Variants in IL12RB1 observed in about 807,000 individuals in gnomAD.
IL12RB1 encodes interleukin 12 receptor subunit beta 1, also known as interleukin-12 receptor subunit beta-1.
IL12RB1 carries 64 observed loss-of-function variants against 94.4 expected under a neutral mutation model. The ratio of observed to expected loss-of-function variants is 0.68; its 90% CI spans 0.55 to 0.83. The LOEUF (loss-of-function observed/expected upper bound fraction) is 0.83, where lower values mean the gene tolerates loss of function less well. Among genes scored for constraint, IL12RB1 ranks in the 40% least tolerant of loss-of-function variants. The pLI, the probability that IL12RB1 is intolerant of heterozygous loss-of-function variation, is 0.00. For missense variants in IL12RB1, 814 were observed against 855.6 expected (o/e 0.95, Z 0.61); for synonymous variants, 362 against 355.5 (o/e 1.02, Z -0.21).
intron 13 of IL12RB1, among the ~76,000 whole-genome samples, chr19:18,063,438 G>T (rs146467658): frequency 1.3e-5 from 2 of 151,752 alleles, no homozygotes; most frequent in Admixed American, 6.6e-5. Flanking sequence ...TTTATTTGTC[G>T]CTCAATGAAC....
chr19:18,077,286 C>T (rs1218736795), intron 5 of IL12RB1, among the ~76,000 whole-genome samples: 1 of 151,800 alleles, frequency 6.6e-6, no homozygotes, highest in Non-Finnish European at 1.5e-5. Context: ...CGCTTGAACC[C>T]GGGAGGCAGA....
chr19:18,075,116 A>C (rs2035365073), intron 7 of IL12RB1, among the ~76,000 whole-genome samples: 2 of 151,930 alleles, frequency 1.3e-5, no homozygotes, highest in African/African-American at 4.8e-5. Flanking sequence ...AAAACCCTAA[A>C]GTGGGTGCAG....
At chr19:18,086,739 T>C (rs757535267) in intron 1 of IL12RB1, 21 bp downstream of exon 1, 54 of 1,602,400 alleles carry the variant, frequency 3.4e-5, no homozygotes, top group Non-Finnish European at 4.3e-5. Flanking sequence ...GGAGCCGCCA[T>C]GCCAGGGTCA....
At chr19:18,071,866 C>T (rs915430712) in intron 9 of IL12RB1, among the ~76,000 whole-genome samples, 4 of 152,118 alleles carry the variant, frequency 2.6e-5, no homozygotes, top group Non-Finnish European at 5.9e-5. Context: ...GGTTTCACCA[C>T]GTTGGCCAGA....
intron 9 of IL12RB1, chr19:18,071,351 A>C: frequency 2.1e-6 from 2 of 971,072 alleles, no homozygotes; most frequent in Non-Finnish European, 2.9e-6. Context: ...AAGAAAAAAA[A>C]GAAATTAGAT....
At chr19:18,097,318 C>G (rs1482016757) in intron 1 of IL12RB1, among the ~76,000 whole-genome samples, 1 of 152,116 alleles carries the variant, frequency 6.6e-6, no homozygotes. Flanking sequence ...GCTGGGATTA[C>G]AGGCGCGCGT....
intron 1 of IL12RB1, among the ~76,000 whole-genome samples, chr19:18,094,615 G>C (rs531786900): frequency 6.3e-4 from 96 of 152,320 alleles, no homozygotes; most frequent in African/African-American, 2.2e-3. Flanking sequence ...TGTAATCCCA[G>C]CACGTTGGGA....
intron 13 of IL12RB1, 130 bp from the exon 14 acceptor site, chr19:18,062,407 G>T: frequency 3.4e-6 from 2 of 593,078 alleles, no homozygotes; most frequent in South Asian, 4.1e-5. Context: ...CTTCTCACTG[G>T]GAGACCACAG....
chr19:18,073,768 C>A (rs2035248461), intron 7 of IL12RB1, among the ~76,000 whole-genome samples, 169 bp from the exon 8 acceptor site: 1 of 152,206 alleles, frequency 6.6e-6, no homozygotes, highest in African/African-American at 2.4e-5. Context: ...CAATTTGCAT[C>A]CCCAGGGATA....
At chr19:18,075,935 C>T (rs553396253) in intron 6 of IL12RB1, 67 bp from the exon 7 acceptor site, 10 of 1,517,660 alleles carry the variant, frequency 6.6e-6, no homozygotes, top group South Asian at 5.6e-5. Flanking sequence ...GTCACTTAAC[C>T]ATCATGTGCT....
chr19:18,089,319 T>A (rs2036530300), upstream of IL12RB1, among the ~76,000 whole-genome samples: 1 of 151,798 alleles, frequency 6.6e-6, no homozygotes, highest in South Asian at 2.1e-4. Flanking sequence ...CACTGAATCG[T>A]TTGCTTTAAA....
intron 11 of IL12RB1, among the ~76,000 whole-genome samples, chr19:18,067,965 A>C (rs969149654): frequency 1.3e-5 from 2 of 150,866 alleles, no homozygotes; most frequent in Non-Finnish European, 2.9e-5. Context: ...CAAAGTGCCA[A>C]AGTGCTGGGA....
Position 18,069,564 on chromosome 19 carries a change from G to A in IL12RB1, c.1171C>T (p.Pro391Ser). 1 of 1,610,346 alleles carries A rather than the reference G, an allele frequency of 6.2e-7. No homozygotes were observed. ...CCATTACCCATTCCAGCCGGATCCG[G>A]GTCTTGCGGCGCAGTCAGGCTGCAG... ...ATCSLTAPQDPDPAGMATYSW... is the reference protein window; with the variant it reads ...ATCSLTAPQDSDPAGMATYSW... The change falls in exon 10 of 17, where the codon CCG (proline) becomes TCG (serine). Residue 391 changes from proline (P) to serine (S), a missense_variant. Physicochemically the swap from Pro to Ser is moderately conservative, Grantham distance 74. Coordinates refer to ENST00000593993, the MANE Select transcript of IL12RB1 (RefSeq NM_005535.3).
At chr19:18,085,674 A>C (rs753087970) in intron 1 of IL12RB1, among the ~76,000 whole-genome samples, 1 of 152,004 alleles carries the variant, frequency 6.6e-6, no homozygotes, top group African/African-American at 2.4e-5. Context: ...CAGTGCTGCA[A>C]TCTCGGCTCA....
intron 1 of IL12RB1, among the ~76,000 whole-genome samples, chr19:18,092,701 A>C (rs370972629): frequency 1.4e-5 from 2 of 147,300 alleles, no homozygotes; most frequent in African/African-American, 2.5e-5. Flanking sequence ...ATGTGGTCTC[A>C]CTATGTTGCC....
chr19:18,090,302 G>A (rs930368929), upstream of IL12RB1, among the ~76,000 whole-genome samples: 91 of 152,140 alleles, frequency 6.0e-4, no homozygotes, highest in African/African-American at 2.1e-3. Flanking sequence ...CTCTAATTGC[G>A]CCACTGCACT....
chr19:18,079,416 C>A (rs1448473041), intron 4 of IL12RB1, among the ~76,000 whole-genome samples: 1 of 151,918 alleles, frequency 6.6e-6, no homozygotes. Context: ...TAAATCTATT[C>A]TTTTAGCAAA....
chr19:18,061,818 G>A (rs576545448), intron 14 of IL12RB1, among the ~76,000 whole-genome samples: 8 of 149,220 alleles, frequency 5.4e-5, no homozygotes, highest in Non-Finnish European at 8.9e-5. Flanking sequence ...AGCCAAGATC[G>A]TGCCACTGCA....
chr19:18,081,434 C>A (rs1164550344), intron 3 of IL12RB1, among the ~76,000 whole-genome samples: 1 of 152,018 alleles, frequency 6.6e-6, no homozygotes, highest in South Asian at 2.1e-4. Flanking sequence ...CCTCCTCCCC[C>A]AGCCTGGGGG....
Sources: allele counts gnomAD v4.1 joint callset (sites outside exome capture counted in the v4.1 genomes callset), GRCh38; gene constraint gnomAD v4.1.1; transcripts MANE v1.5; gene names NCBI Gene and HGNC (gene_info 2026-07-23, HGNC 2026-07-21).